Variants in LYRM4 observed in about 807,000 individuals in gnomAD.
LYRM4 encodes the protein LYR motif containing 4.
Under a neutral mutation model 11.7 loss-of-function variants are expected in LYRM4, and 9 were observed. The observed-to-expected ratio is 0.77, with a 90% CI of 0.46 to 1.34. The LOEUF (loss-of-function observed/expected upper bound fraction) is 1.34. Among genes scored for constraint, LYRM4 ranks in the 40% most tolerant of loss-of-function variants. The pLI is 0.00. For missense variants in LYRM4, 133 were observed against 112.5 expected (o/e 1.18, Z -0.82); for synonymous variants, 42 against 40.4 (o/e 1.04, Z -0.15).
At chr6:5,165,981 G>A (rs1246560810) in intron 2 of LYRM4, among the ~76,000 whole-genome samples, 2 of 152,040 alleles carry the variant, frequency 1.3e-5, no homozygotes, top group African/African-American at 4.8e-5. Flanking sequence ...AAGCAAACGA[G>A]TATACTGAAT....
At chr6:5,061,670 C>G in the LYRM4 span, among the ~76,000 whole-genome samples, 1 of 152,162 alleles carries the variant, frequency 6.6e-6, no homozygotes, top group African/African-American at 2.4e-5. Flanking sequence ...CAAAACCGAT[C>G]CATGACCATT....
chr6:5,077,381 G>A, the LYRM4 span, among the ~76,000 whole-genome samples: 1 of 152,192 alleles, frequency 6.6e-6, no homozygotes, highest in African/African-American at 2.4e-5. Context: ...GTGAATGAAG[G>A]GCGTTCCTCC....
At chr6:5,048,654 T>C in the LYRM4 span, among the ~76,000 whole-genome samples, 1 of 152,184 alleles carries the variant, frequency 6.6e-6, no homozygotes, top group Non-Finnish European at 1.5e-5. Flanking sequence ...TTTCCATTAA[T>C]GCATTCTATG....
chr6:5,154,806 G>C (rs959782604), intron 2 of LYRM4, among the ~76,000 whole-genome samples: 6 of 152,010 alleles, frequency 3.9e-5, no homozygotes, highest in Non-Finnish European at 7.4e-5. Flanking sequence ...GCGACAGAGC[G>C]AGACTCCGTC....
At chr6:5,075,771 A>T in the LYRM4 span, among the ~76,000 whole-genome samples, 1 of 152,264 alleles carries the variant, frequency 6.6e-6, no homozygotes, top group Non-Finnish European at 1.5e-5. Flanking sequence ...TATACATAAC[A>T]TAACATTTAT....
At chr6:5,148,833 A>G (rs1370076293) in intron 2 of LYRM4, among the ~76,000 whole-genome samples, 1 of 152,218 alleles carries the variant, frequency 6.6e-6, no homozygotes, top group African/African-American at 2.4e-5. Flanking sequence ...AAATATACAT[A>G]TAAAAATTAC....
At chr6:5,245,011 T>C (rs1410917370) in intron 1 of LYRM4, among the ~76,000 whole-genome samples, 2 of 147,508 alleles carry the variant, frequency 1.4e-5, no homozygotes, top group Non-Finnish European at 3.0e-5. Flanking sequence ...GCATTAGCTC[T>C]TTGTTTGCCT....
At chr6:5,119,723 A>G (rs997420839) in intron 2 of LYRM4, among the ~76,000 whole-genome samples, 2 of 131,868 alleles carry the variant, frequency 1.5e-5, no homozygotes. Context: ...TGGGAGGCAG[A>G]GGTTGCAGTG....
the LYRM4 span, among the ~76,000 whole-genome samples, chr6:5,059,599 C>T: frequency 1.6e-4 from 24 of 152,268 alleles, no homozygotes; most frequent in South Asian, 1.7e-3. Flanking sequence ...TCTGCGGCCC[C>T]ATCAGACTTT....
chr6:5,217,411 G>A (rs1219215798), intron 1 of LYRM4, among the ~76,000 whole-genome samples: 6 of 152,308 alleles, frequency 3.9e-5, no homozygotes, highest in African/African-American at 1.4e-4. Flanking sequence ...CAGTTCCAGA[G>A]CAAGGCTTGC....
chr6:5,033,950 G>C, the LYRM4 span: 1 of 152,316 alleles, frequency 6.6e-6, no homozygotes, highest in Non-Finnish European at 1.5e-5. Context: ...GTGAAGCAAG[G>C]TGACCCCTCT....
At chr6:5,184,590 T>C (rs1430744584) in intron 2 of LYRM4, among the ~76,000 whole-genome samples, 1 of 152,194 alleles carries the variant, frequency 6.6e-6, no homozygotes, top group Non-Finnish European at 1.5e-5. Flanking sequence ...ACTTAGAAAA[T>C]GGATCTTGTT....
At chr6:5,062,454 A>G in the LYRM4 span, among the ~76,000 whole-genome samples, 5 of 151,704 alleles carry the variant, frequency 3.3e-5, no homozygotes, top group African/African-American at 1.2e-4. Context: ...GTCTGGCCTT[A>G]TTTTCATTTC....
the LYRM4 span, among the ~76,000 whole-genome samples, chr6:5,045,212 C>T: frequency 3.9e-5 from 6 of 152,174 alleles, no homozygotes; most frequent in Non-Finnish European, 7.4e-5. Flanking sequence ...CAGAAGCAAC[C>T]CAATGTCCAA....
At chr6:5,155,809 G>T (rs902095736) in intron 2 of LYRM4, among the ~76,000 whole-genome samples, 14 of 152,180 alleles carry the variant, frequency 9.2e-5, no homozygotes, top group African/African-American at 3.4e-4. Flanking sequence ...GCAAAGCAAA[G>T]GAAAAAGCAA....
chr6:5,120,966 C>T (rs1374903617), intron 2 of LYRM4, among the ~76,000 whole-genome samples: 1 of 152,172 alleles, frequency 6.6e-6, no homozygotes. Context: ...AATTTCTCAT[C>T]AGGGAGGTAG....
intron 1 of LYRM4, among the ~76,000 whole-genome samples, chr6:5,259,867 G>C (rs892950350): frequency 6.6e-6 from 1 of 152,110 alleles, no homozygotes; most frequent in Non-Finnish European, 1.5e-5. Context: ...AAAATGATGG[G>C]TCAGAACCAG....
chr6:5,205,987 C>G (rs1233355129), intron 2 of LYRM4, among the ~76,000 whole-genome samples: 2 of 152,166 alleles, frequency 1.3e-5, no homozygotes, highest in Admixed American at 1.3e-4. Flanking sequence ...CTGCTGGAGC[C>G]GACCGTGAAG....
At chr6:5,136,458 G>T in intron 2 of LYRM4, 1 of 967,158 alleles carries the variant, frequency 1.0e-6, no homozygotes, top group Non-Finnish European at 1.2e-6. Flanking sequence ...CACCTGCTCT[G>T]CCAATCACTG....
Sources: gnomAD v4.1 joint callset for allele counts (sites outside exome capture counted in the v4.1 genomes callset) on GRCh38, gnomAD v4.1.1 for gene constraint, MANE v1.5 for transcripts, NCBI Gene and HGNC (gene_info 2026-07-23, HGNC 2026-07-21) for gene names.